ECT2: variants seen among roughly 807,000 people sequenced by gnomAD.
ECT2 encodes protein ECT2.
Under a neutral mutation model 116.9 loss-of-function variants are expected in ECT2, and 61 were observed. That is an observed-to-expected ratio of 0.52 (90% CI 0.42 to 0.65). ECT2 has a LOEUF of 0.65. ECT2 is among the 30% of genes least tolerant of loss of function. The pLI is 0.00. For missense variants in ECT2, 937 were observed against 1,078.7 expected (o/e 0.87, Z 1.84); for synonymous variants, 358 against 346.4 (o/e 1.03, Z -0.37).
At chr3:172,825,741 T>C (rs111258479), downstream of ECT2, among the ~76,000 whole-genome samples, 718 of 152,202 alleles carry the variant, frequency 4.7e-3, 9 homozygotes, top group South Asian at 0.045. Context: ...CTCCAAAACA[T>C]AAAAGTGCAA....
intron 1 of ECT2, among the ~76,000 whole-genome samples, chr3:172,753,694 A>G (rs1026421106): frequency 1.3e-5 from 2 of 152,202 alleles, no homozygotes; most frequent in African/African-American, 4.8e-5. Context: ...ACTAAATGCA[A>G]ATAGATGTGA....
At chr3:172,762,325 A>G (rs903805904) in intron 8 of ECT2, 91 bp from the exon 9 acceptor site, 1 of 1,326,228 alleles carries the variant, frequency 7.5e-7, no homozygotes, top group African/African-American at 1.5e-5. Context: ...TTATGCCAAG[A>G]CCTTGAAAAT....
At chr3:172,828,332 G>A in the ECT2 span, among the ~76,000 whole-genome samples, 1 of 121,878 alleles carries the variant, frequency 8.2e-6, no homozygotes, top group African/African-American at 2.9e-5. Flanking sequence ...AATACCAACA[G>A]GCTGTGTGTG....
rs989009963 is a variant in ECT2 at position 172,759,410 on chromosome 3, C to A, written c.576+341C>A. On this transcript the variant is annotated intron_variant, in intron 6 of 24. Transcript: ENST00000392692. ...AGTTCAGCCTGAAAGTATTCTGTTG[C>A]CCTATAGAATTCATAGAAAGTTCCT... Among the ~76,000 whole-genome samples, 16 of 152,080 alleles carry A rather than the reference C, an allele frequency of 1.1e-4. No homozygotes were observed. The South Asian group carries it at 3.3e-3, about 32-fold the overall frequency.
intron 12 of ECT2, among the ~76,000 whole-genome samples, chr3:172,768,122 A>C (rs760355901): frequency 2.0e-5 from 3 of 152,168 alleles, no homozygotes; most frequent in African/African-American, 7.2e-5. Flanking sequence ...ACGTTAAGAC[A>C]GTTTGAACTA....
At chr3:172,771,538 A>C (rs1238258667) in intron 13 of ECT2, 2 of 152,236 alleles carry the variant, frequency 1.3e-5, no homozygotes, top group East Asian at 3.8e-4. Context: ...AGGCATATGG[A>C]TACAGTGACA....
Position 172,764,499 on chromosome 3 carries a change from A to C in ECT2, c.1290A>C (p.Gly430=), listed in dbSNP as rs1332175110. Residue 430 remains glycine (G), a splice_region_variant and synonymous_variant, in exon 12 of 25, where the codon GGA becomes GGC. Transcript: ENST00000392692. ...CACCAGAGTCTAGCATTAACTATGGAGGTAATTCACATTCTTAAAAACTTG... is the reference window on the plus strand; with the variant it reads ...CACCAGAGTCTAGCATTAACTATGGCGGTAATTCACATTCTTAAAAACTTG... ...SNTPESSINY[G]DTPKSCTKSS... 1.9e-6 allele frequency: 3 copies of C among 1,611,550 alleles called. No homozygotes were observed. Among genetic ancestry groups the C allele is most frequent in the Non-Finnish European group, 2.5e-6 (3 of 1,177,896 alleles).
At chr3:172,778,783 G>A (rs1364998210) in intron 14 of ECT2, among the ~76,000 whole-genome samples, 2 of 151,744 alleles carry the variant, frequency 1.3e-5, no homozygotes, top group Non-Finnish European at 1.5e-5. Context: ...TTTTAGTAGA[G>A]ACGGAGTTTC....
rs753685814 is a variant in ECT2, at chr3:172,761,703, G to T, written c.758+20G>T. 5.9e-6 allele frequency: 9 copies of T among 1,517,622 alleles called. No individual in the cohort carries two copies. In the African/African-American group the frequency reaches 1.3e-4, roughly 21 times the overall value. The allele number at this position is 1,517,622 out of a possible 1,614,324, so 94.0% of individuals were successfully genotyped here. A position where few individuals can be genotyped will look rare whatever the true frequency, so the allele number is the denominator to read the frequency against. On this transcript the variant is annotated intron_variant, in intron 8 of 24. Transcript: ENST00000392692. ...TGAACAGTAAGTGTTTAGAAACTCA[G>T]TAGTTCATTATGTAAATTAAACATT...
intron 14 of ECT2, among the ~76,000 whole-genome samples, chr3:172,779,928 A>G (rs910180775): frequency 9.9e-5 from 15 of 152,030 alleles, no homozygotes; most frequent in Admixed American, 9.2e-4. Flanking sequence ...ATATGATACA[A>G]TTCAGTTATT....
chr3:172,819,818 C>CT (rs1159719081), intron 24 of ECT2, among the ~76,000 whole-genome samples: 11 of 152,116 alleles, frequency 7.2e-5, no homozygotes, highest in South Asian at 2.1e-4. Context: ...ATAATTTTTT[C>CT]TTTTATAACC....
downstream of ECT2, among the ~76,000 whole-genome samples, chr3:172,823,949 T>G (rs1730781742): frequency 7.9e-6 from 1 of 125,942 alleles, no homozygotes; most frequent in African/African-American, 2.9e-5. Context: ...TTTTTTTTTT[T>G]GAGACAATCT....
At chr3:172,761,122 G>C (rs1718204593) in intron 7 of ECT2, among the ~76,000 whole-genome samples, 1 of 152,110 alleles carries the variant, frequency 6.6e-6, no homozygotes, top group Admixed American at 6.5e-5. Context: ...CACTAGGATT[G>C]AATCTTAGTT....
intron 14 of ECT2, among the ~76,000 whole-genome samples, chr3:172,779,064 A>T (rs1324214839): frequency 6.6e-6 from 1 of 152,228 alleles, no homozygotes; most frequent in African/African-American, 2.4e-5. Flanking sequence ...CATTTAGAGG[A>T]ATCCCTAACA....
chr3:172,791,481 T>C (rs1418447862), intron 18 of ECT2, among the ~76,000 whole-genome samples: 1 of 152,262 alleles, frequency 6.6e-6, no homozygotes, highest in Non-Finnish European at 1.5e-5. Flanking sequence ...AATTATCTTA[T>C]TTAGATTTTC....
chr3:172,793,038 A>G (rs1724960684), intron 18 of ECT2, among the ~76,000 whole-genome samples: 1 of 152,176 alleles, frequency 6.6e-6, no homozygotes, highest in African/African-American at 2.4e-5. Context: ...CATTTCTAAG[A>G]AACTGCCAAA....
chr3:172,780,885 G>T (rs1722578968), intron 14 of ECT2, among the ~76,000 whole-genome samples: 1 of 151,934 alleles, frequency 6.6e-6, no homozygotes, highest in East Asian at 1.9e-4. Flanking sequence ...CCTGTTTTTT[G>T]ATTGGATTGT....
Position 172,773,853 on chromosome 3 carries a change from T to G in ECT2, c.1429-50T>G, listed in dbSNP as rs770064606. 9 of 1,561,552 alleles carry G rather than the reference T, an allele frequency of 5.8e-6. No individual in the cohort carries two copies. In the South Asian group the frequency reaches 9.1e-5, roughly 16 times the overall value. On this transcript the variant is annotated intron_variant, in intron 13 of 24. Transcript: ENST00000392692. Reference sequence around the variant, plus strand: ...CCTTTATCACTGTCTATCTTTTAGCTCTTTTCTTTTTCCCACAATCTACTT... The same window carrying G: ...CCTTTATCACTGTCTATCTTTTAGCGCTTTTCTTTTTCCCACAATCTACTT...
chr3:172,756,591 T>C (rs1269519869), intron 4 of ECT2, among the ~76,000 whole-genome samples: 1 of 152,202 alleles, frequency 6.6e-6, no homozygotes, highest in Non-Finnish European at 1.5e-5. Flanking sequence ...GGTATCATTT[T>C]CTTGGTCAGT....
Sources: gnomAD v4.1 joint callset for allele counts (sites outside exome capture counted in the v4.1 genomes callset) on GRCh38, gnomAD v4.1.1 for gene constraint, MANE v1.5 for transcripts, NCBI Gene and HGNC (gene_info 2026-07-23, HGNC 2026-07-21) for gene names.